UGT1A10: variants seen among roughly 807,000 people sequenced by gnomAD.
The protein encoded by UGT1A10 is UDP-glucuronosyltransferase 1A10.
A neutral mutation model predicts 45.8 loss-of-function variants in UGT1A10; 49 were observed. The observed-to-expected ratio is 1.07, with a 90% CI of 0.85 to 1.36. The LOEUF is 1.36. Among genes scored for constraint, UGT1A10 ranks in the 40% most tolerant of loss-of-function variants. The pLI, the probability that UGT1A10 is intolerant of heterozygous loss-of-function variation, is 0.00. For missense variants in UGT1A10, 745 were observed against 668.6 expected, an observed-to-expected ratio of 1.11 and a Z score of -1.26; for synonymous variants, 284 against 249.7, an observed-to-expected ratio of 1.14 and a Z score of -1.29.
intron 1 of UGT1A10, chr2:233,741,975 C>T (rs1043950383): frequency 3.3e-5 from 5 of 151,844 alleles, no homozygotes; most frequent in African/African-American, 4.9e-5. Flanking sequence ...TTTATGGTGC[C>T]TCACCCAAAA....
chr2:233,761,222 C>T, intron 1 of UGT1A10: 1 of 1,613,374 alleles, frequency 6.2e-7, no homozygotes, highest in Admixed American at 1.7e-5. Flanking sequence ...GATTAACTAG[C>T]CCCAGATATA....
At chr2:233,711,402 C>A (rs1267676385) in intron 1 of UGT1A10, among the ~76,000 whole-genome samples, 1 of 152,222 alleles carries the variant, frequency 6.6e-6, no homozygotes, top group African/African-American at 2.4e-5. Flanking sequence ...CCACCCTCAC[C>A]CCGGGCTCAT....
chr2:233,683,088 T>C (rs1486905102), intron 1 of UGT1A10, among the ~76,000 whole-genome samples: 3 of 152,330 alleles, frequency 2.0e-5, no homozygotes, highest in East Asian at 1.9e-4. Context: ...CTTCCCTTTT[T>C]TTGCTAATTC....
chr2:233,676,022 C>G (rs1344116226), intron 1 of UGT1A10, among the ~76,000 whole-genome samples: 1 of 152,138 alleles, frequency 6.6e-6, no homozygotes, highest in Non-Finnish European at 1.5e-5. Context: ...GAAATAAACC[C>G]ATACATATAC....
chr2:233,646,683 T>A (rs946857343), intron 1 of UGT1A10, among the ~76,000 whole-genome samples: 31 of 152,216 alleles, frequency 2.0e-4, no homozygotes, highest in African/African-American at 7.5e-4. Context: ...CATCTCCATT[T>A]GAAACCACCT....
At chr2:233,691,396 C>T (rs2075041228) in intron 1 of UGT1A10, 1 of 985,598 alleles carries the variant, frequency 1.0e-6, no homozygotes. Context: ...TGGGGGCCAG[C>T]CCTGTCCTTG....
chr2:233,681,968 C>T, intron 1 of UGT1A10: 1 of 1,614,070 alleles, frequency 6.2e-7, no homozygotes, highest in Non-Finnish European at 8.5e-7. Flanking sequence ...TGGCCTCCTT[C>T]CCCTATATGT....
rs1321370763 is a variant in UGT1A10 at position 233,760,541 on chromosome 2, G to A, written c.856-6493G>A. 6.2e-7 allele frequency: 1 copy of A among 1,614,268 alleles called. No homozygotes were observed. Among genetic ancestry groups the A allele is most frequent in the Non-Finnish European group, 8.5e-7 (1 of 1,180,050 alleles). On this transcript the variant is annotated intron_variant, in intron 1 of 4. Coordinates refer to ENST00000344644, the MANE Select transcript of UGT1A10 (RefSeq NM_019075.4). ...AAGACGTACCCTGTGCCATTCCAAA[G>A]GGAGGATGTGAAAGAGTCTTTTGTT... is the stretch of plus-strand genomic sequence containing the variant.
intron 1 of UGT1A10, among the ~76,000 whole-genome samples, chr2:233,705,007 G>A (rs2075816854): frequency 6.6e-6 from 1 of 152,012 alleles, no homozygotes; most frequent in South Asian, 2.1e-4. Flanking sequence ...ATGGTGGCAG[G>A]CGCCTGTAAT....
intron 1 of UGT1A10, among the ~76,000 whole-genome samples, chr2:233,748,665 G>C (rs2125893824): frequency 6.6e-6 from 1 of 151,856 alleles, no homozygotes; most frequent in South Asian, 2.1e-4. Context: ...AGTTTCCAGA[G>C]AGGGATCTGT....
At chr2:233,687,867 C>G (rs1299478356) in intron 1 of UGT1A10, among the ~76,000 whole-genome samples, 2 of 152,166 alleles carry the variant, frequency 1.3e-5, no homozygotes, top group Non-Finnish European at 2.9e-5. Flanking sequence ...ATGACTATTC[C>G]ACTCCACTCC....
intron 1 of UGT1A10, among the ~76,000 whole-genome samples, chr2:233,761,951 C>T (rs997594435): frequency 3.9e-5 from 6 of 152,200 alleles, no homozygotes; most frequent in Non-Finnish European, 8.8e-5. Flanking sequence ...GCGTCTGGCT[C>T]CCATTAAGGG....
intron 1 of UGT1A10, among the ~76,000 whole-genome samples, chr2:233,647,460 AT>A (rs2073634354): frequency 6.6e-6 from 1 of 152,180 alleles, no homozygotes; most frequent in Admixed American, 6.5e-5. Context: ...AGAAATTGGT[AT>A]TATTTCTTCC....
chr2:233,654,938 A>T (rs899505622), intron 1 of UGT1A10, among the ~76,000 whole-genome samples: 1 of 152,202 alleles, frequency 6.6e-6, no homozygotes, highest in East Asian at 1.9e-4. Context: ...CTAAAAATAC[A>T]AAAATTAGCA....
At position 233,662,976 on chromosome 2, in the gene UGT1A10, G is replaced by GA. The variant is rs1359399843; in HGVS notation, c.855+25602dup. Among the ~76,000 whole-genome samples, 12 of 152,068 alleles carry GA rather than the reference G, an allele frequency of 7.9e-5. No homozygotes were observed. The East Asian group carries it at 2.3e-3, about 29-fold the overall frequency. ...TATTTATTTTATCATTAATTATGGT[G>GA]AAATACACATAGCATAAACCTTGTC... On this transcript the variant is annotated intron_variant, in intron 1 of 4. Transcript: ENST00000344644.
intron 1 of UGT1A10, chr2:233,690,549 G>A: frequency 7.8e-7 from 1 of 1,289,414 alleles, no homozygotes; most frequent in Non-Finnish European, 1.0e-6. Context: ...ACTGGAATAT[G>A]TCCCAAGCCT....
chr2:233,746,996 T>C (rs1200974449), intron 1 of UGT1A10, among the ~76,000 whole-genome samples: 1 of 151,576 alleles, frequency 6.6e-6, no homozygotes, highest in East Asian at 1.9e-4. Context: ...TCAGATGAGT[T>C]TTTCAAGTAG....
rs374057045 is a variant in UGT1A10 at position 233,637,204 on chromosome 2, C to G, written c.682C>G (p.Leu228Val). The G allele has an allele frequency of 2.2e-5, 36 of 1,613,930 alleles. No homozygotes were observed. The highest frequency in any genetic ancestry group is 3.3e-5 in the Admixed American group (2 of 60,010). Residue 228 changes from leucine to valine, a missense_variant, in exon 1 of 5, where the codon CTA becomes GTA. Leu to Val is a conservative substitution (Grantham distance 32). Coordinates refer to ENST00000344644, the MANE Select transcript of UGT1A10 (RefSeq NM_019075.4). ...TTGCCAGTATCTTTTTAGAAATGCC[C>G]TAGAAATAGCCTCTGAAATTCTCCA... ...LFCQYLFRNA[L>V]EIASEILQTP... is the part of the protein sequence containing the mutation.
chr2:233,672,863 G>T (rs930073132), intron 1 of UGT1A10: 33 of 1,523,222 alleles, frequency 2.2e-5, no homozygotes, highest in Non-Finnish European at 2.8e-5. Context: ...TTACTGAACT[G>T]TGATTTGACA....
Sources: gnomAD v4.1 joint callset for allele counts (sites outside exome capture counted in the v4.1 genomes callset) on GRCh38, gnomAD v4.1.1 for gene constraint, MANE v1.5 for transcripts, NCBI Gene and HGNC (gene_info 2026-07-23, HGNC 2026-07-21) for gene names.